The following ZNF469 variants were observed in gnomAD, a reference collection of about 807,000 sequenced individuals.
The protein encoded by ZNF469 is zinc finger protein 469.
ZNF469 carries 1 observed loss-of-function variant against 1.0 expected under a neutral mutation model. The ratio of observed to expected loss-of-function variants is 1.00; its 90% CI spans 0.35 to 4.73. The LOEUF (loss-of-function observed/expected upper bound fraction) is 4.73. Ranked by LOEUF, ZNF469 falls within the 30% of genes most tolerant of loss-of-function variation. The pLI is 0.16. For missense variants in ZNF469, 6,100 were observed against 5,356.3 expected (o/e 1.14, Z -4.33); for synonymous variants, 2,703 against 2,363.4 (o/e 1.14, Z -4.17).
chr16:88,420,155 C>G (rs1346344188), intron 1 of ZNF469, among the ~76,000 whole-genome samples: 4 of 152,236 alleles, frequency 2.6e-5, no homozygotes, highest in Non-Finnish European at 4.4e-5. Context: ...GCAGTTCTCC[C>G]GCAGCTCCCC....
In ZNF469 at chr16:88,431,364, G is replaced by A. The variant is rs115790991; in HGVS notation, c.3894G>A (p.Val1298=). The part of the protein sequence containing the change: ...APHGSSPTPG[V]GSLLGGPGGT... ...ACGGAAGCTCGCCAACGCCAGGTGT[G>A]GGCAGCCTGCTGGGTGGTCCTGGGG... The change falls in exon 3 of 3, where the codon GTG becomes GTA. Residue 1298 remains valine, a synonymous_variant. Coordinates refer to ENST00000565624, the MANE Select transcript of ZNF469 (RefSeq NM_001367624.2). The A allele has an allele frequency of 7.1e-6, 11 of 1,549,862 alleles. No homozygotes were observed. The highest frequency in any genetic ancestry group is 1.7e-4 in the Middle Eastern group (1 of 5,992).
the ZNF469 span, among the ~76,000 whole-genome samples, chr16:88,236,146 C>T: frequency 5.4e-4 from 83 of 152,334 alleles, no homozygotes; most frequent in African/African-American, 1.8e-3. Context: ...CAAATGTCTC[C>T]TATTGAGACC....
chr16:88,136,065 G>A, the ZNF469 span, among the ~76,000 whole-genome samples: 1 of 152,106 alleles, frequency 6.6e-6, no homozygotes, highest in Non-Finnish European at 1.5e-5. Flanking sequence ...GGCCAGCCAT[G>A]TTTTATTCTA....
chr16:88,133,662 T>G, the ZNF469 span, among the ~76,000 whole-genome samples: 4,751 of 151,026 alleles, frequency 0.031, no homozygotes, highest in African/African-American at 0.11. Flanking sequence ...AATAATGAAA[T>G]AAATATAAAT....
At chr16:88,352,655 G>A in the ZNF469 span, among the ~76,000 whole-genome samples, 14 of 152,376 alleles carry the variant, frequency 9.2e-5, no homozygotes, top group East Asian at 9.6e-4. Context: ...CAAACCTGCC[G>A]TGGGAATGAG....
the ZNF469 span, among the ~76,000 whole-genome samples, chr16:88,289,158 A>AATG: frequency 1.6e-4 from 23 of 147,400 alleles, no homozygotes; most frequent in East Asian, 6.0e-4. Flanking sequence ...TGGTGATGGC[A>AATG]ATGATGATGA....
the ZNF469 span, among the ~76,000 whole-genome samples, chr16:88,298,679 T>C: frequency 2.0e-5 from 3 of 152,008 alleles, no homozygotes; most frequent in African/African-American, 7.2e-5. Context: ...AGGGAGGCAA[T>C]GTTCTGGAAG....
chr16:88,390,119 C>T (rs1473280120), intron 1 of ZNF469, among the ~76,000 whole-genome samples: 1 of 152,198 alleles, frequency 6.6e-6, no homozygotes, highest in African/African-American at 2.4e-5. Context: ...TAGACACTGG[C>T]TCCGAACTGA....
chr16:88,437,069 G>A lies in ZNF469; in HGVS notation c.9599G>A (p.Arg3200His), dbSNP rs1224173978. 8.4e-6 allele frequency: 13 copies of A among 1,540,818 alleles called. 1 individual carries two copies. The highest frequency in any genetic ancestry group is 4.0e-5 in the Admixed American group (2 of 50,568). Residue 3200 changes from arginine (R) to histidine (H), a missense_variant, in exon 3 of 3, where the codon CGC becomes CAC. Coordinates refer to ENST00000565624, the MANE Select transcript of ZNF469 (RefSeq NM_001367624.2). ...GAGCACCTGCGTGAGCACGCGGTCC[G>A]CTTCGCCCGCAGGGGGCAGGCGCGG... ...YNEHLREHAVRFARRGQARRS... is the reference protein window; with the variant it reads ...YNEHLREHAVHFARRGQARRS...
the ZNF469 span, among the ~76,000 whole-genome samples, chr16:88,152,969 C>T: frequency 2.6e-5 from 4 of 152,320 alleles, no homozygotes; most frequent in Non-Finnish European, 5.9e-5. The surrounding 1 kb of genome is among the most constrained non-coding windows in gnomAD (Gnocchi z 4.2). Context: ...AGGGCTCTGG[C>T]GGGGCATGCC....
At chr16:88,268,051 T>C in the ZNF469 span, among the ~76,000 whole-genome samples, 1 of 152,118 alleles carries the variant, frequency 6.6e-6, no homozygotes, top group Admixed American at 6.5e-5. Context: ...TGGGCTTCGA[T>C]GCGCTTTTCC....
chr16:88,425,832 G>A (rs1905674900), intron 2 of ZNF469, among the ~76,000 whole-genome samples: 1 of 152,006 alleles, frequency 6.6e-6, no homozygotes, highest in Admixed American at 6.5e-5. Flanking sequence ...AGAGGAGGAA[G>A]GGGCACCCGG....
chr16:88,277,760 C>T, the ZNF469 span, among the ~76,000 whole-genome samples: 1 of 57,008 alleles, frequency 1.8e-5, no homozygotes, highest in African/African-American at 5.6e-5. Flanking sequence ...GCCACGCTGA[C>T]ACTCGGTCAG....
the ZNF469 span, among the ~76,000 whole-genome samples, chr16:88,316,974 AC>A: frequency 6.6e-6 from 1 of 152,138 alleles, no homozygotes; most frequent in African/African-American, 2.4e-5. Context: ...TAAACCCAGA[AC>A]ACCTGACCTC....
chr16:88,337,712 C>A, the ZNF469 span, among the ~76,000 whole-genome samples: 4 of 152,184 alleles, frequency 2.6e-5, no homozygotes, highest in African/African-American at 7.2e-5. Flanking sequence ...ACCCCACGGG[C>A]GTCAGGGGCA....
the ZNF469 span, among the ~76,000 whole-genome samples, chr16:88,330,266 C>T: frequency 6.6e-6 from 1 of 152,226 alleles, no homozygotes; most frequent in Non-Finnish European, 1.5e-5. Context: ...TGTGGGTGTC[C>T]TGCATGTGTG....
chr16:88,228,259 G>T, the ZNF469 span, among the ~76,000 whole-genome samples: 1 of 152,258 alleles, frequency 6.6e-6, no homozygotes, highest in Non-Finnish European at 1.5e-5. Context: ...CTGCCTGCCG[G>T]CTTCGCAGGC....
At chr16:88,247,179 T>A in the ZNF469 span, among the ~76,000 whole-genome samples, 9 of 151,114 alleles carry the variant, frequency 6.0e-5, no homozygotes, top group South Asian at 8.4e-4. Flanking sequence ...ACTGAGTGAA[T>A]GAGTGAGTGA....
the ZNF469 span, among the ~76,000 whole-genome samples, chr16:88,238,098 G>A: frequency 6.6e-6 from 1 of 152,230 alleles, no homozygotes; most frequent in Admixed American, 6.5e-5. Context: ...AGTTTCTGGA[G>A]ATGATGAAAT....
Sources: gnomAD v4.1 joint callset for allele counts (sites outside exome capture counted in the v4.1 genomes callset) on GRCh38, gnomAD v4.1.1 for gene constraint, Gnocchi (gnomAD v3.1) non-coding constraint, MANE v1.5 for transcripts, NCBI Gene and HGNC (gene_info 2026-07-23, HGNC 2026-07-21) for gene names.